The following SLC37A1 variants were observed in gnomAD, a reference collection of about 807,000 sequenced individuals.
SLC37A1 encodes the protein solute carrier family 37 member 1, also known as glucose-6-phosphate exchanger SLC37A1.
SLC37A1 carries 49 observed loss-of-function variants against 75.3 expected under a neutral mutation model. The ratio of observed to expected loss-of-function variants is 0.65; its 90% confidence interval spans 0.52 to 0.83. The LOEUF (loss-of-function observed/expected upper bound fraction) is 0.83. Among genes scored for constraint, SLC37A1 ranks in the 40% least tolerant of loss-of-function variants. The pLI is 0.00. For synonymous variants in SLC37A1, 268 were observed against 292.1 expected, an observed-to-expected ratio of 0.92 and a Z score of 0.84; for missense variants, 566 against 695.0, an observed-to-expected ratio of 0.81 and a Z score of 2.09.
At chr21:42,564,242 A>G (rs1368454549) in intron 13 of SLC37A1, among the ~76,000 whole-genome samples, 1 of 151,286 alleles carries the variant, frequency 6.6e-6, no homozygotes, top group African/African-American at 2.4e-5. Flanking sequence ...AAAAAAAAGC[A>G]TAGCTGGGTG....
chr21:42,539,745 G>T (rs752229995), intron 6 of SLC37A1, 98 bp downstream of exon 6: 227 of 1,238,004 alleles, frequency 1.8e-4, no homozygotes, highest in Non-Finnish European at 2.3e-4. Context: ...TGTTGGGAAG[G>T]GGCAGAAGTG....
rs2055605717 is a variant in SLC37A1, at chr21:42,553,495, G to A, written c.769-567G>A. On this transcript the variant is annotated intron_variant, in intron 9 of 19. Coordinates refer to ENST00000352133, the MANE Select transcript of SLC37A1 (RefSeq NM_001320537.2). Reference sequence around the variant, plus strand: ...TAGGAAATGGTACCTTTATTCTAGTGCCCAAGAAACTGCCTTCATTTCTTC... The same window carrying A: ...TAGGAAATGGTACCTTTATTCTAGTACCCAAGAAACTGCCTTCATTTCTTC... 2.0e-5 allele frequency among the ~76,000 whole-genome samples: 3 copies of A among 152,174 alleles called. No homozygotes were observed. The South Asian group carries it at 6.2e-4, about 32-fold the overall frequency.
intron 6 of SLC37A1, 97 bp from the exon 7 acceptor site, chr21:42,542,307 T>C (rs919911546): frequency 5.0e-6 from 5 of 996,396 alleles, no homozygotes; most frequent in Admixed American, 5.1e-5. Context: ...TCGTGCCCCC[T>C]GCTTTGTGTA....
chr21:42,513,223 G>C (rs946909150), upstream of SLC37A1, among the ~76,000 whole-genome samples: 1 of 152,086 alleles, frequency 6.6e-6, no homozygotes, highest in African/African-American at 2.4e-5. Context: ...CTGGGGTGAC[G>C]TGGGAGCCTG....
At chr21:42,529,675 C>A (rs1037097555) in intron 3 of SLC37A1, among the ~76,000 whole-genome samples, 1 of 152,098 alleles carries the variant, frequency 6.6e-6, no homozygotes, top group Non-Finnish European at 1.5e-5. Context: ...CCCAAAGAAA[C>A]AACGGGCAAG....
intron 1 of SLC37A1, among the ~76,000 whole-genome samples, chr21:42,499,957 A>G (rs1360885835): frequency 6.6e-6 from 1 of 152,198 alleles, no homozygotes; most frequent in African/African-American, 2.4e-5. Context: ...TGTATTTTCC[A>G]CAACCTTCCA....
intron 18 of SLC37A1, chr21:42,575,572 A>G (rs2056289412): frequency 1.0e-6 from 1 of 985,214 alleles, no homozygotes; most frequent in South Asian, 4.7e-5. Flanking sequence ...TGTCACAGTC[A>G]CATAGATGTG....
intron 17 of SLC37A1, among the ~76,000 whole-genome samples, chr21:42,572,936 G>A (rs572112731): frequency 6.6e-6 from 1 of 152,274 alleles, no homozygotes; most frequent in African/African-American, 2.4e-5. Flanking sequence ...GTCTCTCTGT[G>A]GGGACAGTGT....
chr21:42,530,300 G>C (rs143713064), intron 3 of SLC37A1, among the ~76,000 whole-genome samples: 269 of 152,260 alleles, frequency 1.8e-3, no homozygotes, highest in African/African-American at 5.9e-3. Flanking sequence ...TATCCTTCAT[G>C]AGTGGAGCAT....
intron 16 of SLC37A1, among the ~76,000 whole-genome samples, chr21:42,568,034 C>T (rs1260636415): frequency 2.6e-5 from 4 of 152,266 alleles, no homozygotes; most frequent in Non-Finnish European, 4.4e-5. Flanking sequence ...AGGGCAGGGG[C>T]GCGCGTTGCG....
intron 12 of SLC37A1, among the ~76,000 whole-genome samples, chr21:42,562,820 C>T (rs552486779): frequency 1.4e-4 from 21 of 151,590 alleles, no homozygotes; most frequent in Non-Finnish European, 2.5e-4. Context: ...CTCTTCGCCC[C>T]GGGAGCCAGA....
chr21:42,530,595 T>TACACACACACACAC (rs71190427), intron 3 of SLC37A1, among the ~76,000 whole-genome samples: 72 of 103,218 alleles, frequency 7.0e-4, no homozygotes, highest in East Asian at 2.0e-3. Context: ...ATGCAGATGA[T>TACACACACACACAC]ACACACACAC....
intron 12 of SLC37A1, among the ~76,000 whole-genome samples, chr21:42,563,050 C>T (rs1457531700): frequency 6.6e-6 from 1 of 152,120 alleles, no homozygotes; most frequent in African/African-American, 2.4e-5. Flanking sequence ...GACTGTCCCA[C>T]AGCCTAGCAG....
At chr21:42,520,962 G>A (rs1182104021) in intron 2 of SLC37A1, among the ~76,000 whole-genome samples, 5 of 152,236 alleles carry the variant, frequency 3.3e-5, no homozygotes, top group African/African-American at 1.2e-4. Context: ...AATAGCGTAA[G>A]ATTCGGCGAG....
At chr21:42,526,891 G>A (rs1326979249) in intron 3 of SLC37A1, among the ~76,000 whole-genome samples, 2 of 152,274 alleles carry the variant, frequency 1.3e-5, no homozygotes, top group Non-Finnish European at 2.9e-5. Flanking sequence ...ACACTCATCC[G>A]CTTGACAAGA....
At chr21:42,503,653 G>T (rs2054360671) in intron 2 of SLC37A1, among the ~76,000 whole-genome samples, 1 of 152,152 alleles carries the variant, frequency 6.6e-6, no homozygotes, top group Non-Finnish European at 1.5e-5. Flanking sequence ...TCTGGGTACT[G>T]TTGCTGTCCT....
At position 42,553,994 on chromosome 21, in the gene SLC37A1, A is replaced by C. The variant is rs1429735359; in HGVS notation, c.769-68A>C. ...GGACGATAGTAAGTATCCTTGCTACAGTAAAGCCAGGTTTAATTTCTAGCT... is the reference window on the plus strand; with the variant it reads ...GGACGATAGTAAGTATCCTTGCTACCGTAAAGCCAGGTTTAATTTCTAGCT... On this transcript the variant is annotated intron_variant, in intron 9 of 19. Transcript: ENST00000352133. The C allele has an allele frequency of 3.7e-6, 5 of 1,340,164 alleles. No homozygotes were observed. The African/African-American group carries it at 5.9e-5, about 16-fold the overall frequency. The allele number at this position is 1,340,164 out of a possible 1,614,324, so 83.0% of individuals were successfully genotyped here.
intron 5 of SLC37A1, among the ~76,000 whole-genome samples, chr21:42,537,304 C>G (rs1569004460): frequency 6.6e-6 from 1 of 152,202 alleles, no homozygotes; most frequent in Non-Finnish European, 1.5e-5. Context: ...TGGTGTGTAC[C>G]TGGGGCTTCC....
chr21:42,575,366 G>A (rs2056284783), intron 18 of SLC37A1: 1 of 985,358 alleles, frequency 1.0e-6, no homozygotes, highest in East Asian at 1.1e-4. Context: ...CTGCAGCCAT[G>A]CTGTCAGACG....
Sources: gnomAD v4.1 joint callset for allele counts (sites outside exome capture counted in the v4.1 genomes callset) on GRCh38, gnomAD v4.1.1 for gene constraint, MANE v1.5 for transcripts, NCBI Gene and HGNC (gene_info 2026-07-23, HGNC 2026-07-21) for gene names.